NAA11: variants seen among roughly 807,000 people sequenced by gnomAD.
The protein encoded by NAA11 is N-alpha-acetyltransferase 11.
A neutral mutation model predicts 16.1 loss-of-function variants in NAA11; 15 were observed. The ratio of observed to expected loss-of-function variants is 0.93; its 90% CI spans 0.62 to 1.44. The LOEUF (loss-of-function observed/expected upper bound fraction) is 1.44. Ranked by LOEUF, NAA11 falls within the 40% of genes most tolerant of loss-of-function variation. NAA11 has a pLI of 0.00. For missense variants in NAA11, 298 were observed against 291.3 expected, an observed-to-expected ratio of 1.02 and a Z score of -0.17; for synonymous variants, 122 against 112.4, an observed-to-expected ratio of 1.09 and a Z score of -0.54.
chr4:79,186,445 A>G, the NAA11 span, among the ~76,000 whole-genome samples: 3 of 152,164 alleles, frequency 2.0e-5, no homozygotes, highest in Non-Finnish European at 2.9e-5. Flanking sequence ...CTATTGAACA[A>G]TGTAAAGACT....
chr4:79,300,622 A>G (rs1227027703), intron 1 of NAA11, among the ~76,000 whole-genome samples: 2 of 152,268 alleles, frequency 1.3e-5, no homozygotes, highest in African/African-American at 2.4e-5. Context: ...AAGCAAGTAC[A>G]TAAATTAATC....
chr4:79,246,381 A>C (rs1476737266), intron 2 of NAA11, among the ~76,000 whole-genome samples: 1 of 27,444 alleles, frequency 3.6e-5, no homozygotes, highest in Non-Finnish European at 1.0e-4. Context: ...AAATACTAAA[A>C]AAAAAAAAAA....
the NAA11 span, among the ~76,000 whole-genome samples, chr4:79,188,023 A>AG: frequency 7.0e-6 from 1 of 141,958 alleles, no homozygotes; most frequent in African/African-American, 2.6e-5. Context: ...AAAAAAAAAA[A>AG]GAAATACTTG....
chr4:79,277,933 G>T (rs1051191771), intron 2 of NAA11, among the ~76,000 whole-genome samples: 4 of 150,186 alleles, frequency 2.7e-5, no homozygotes, highest in Non-Finnish European at 5.9e-5. Flanking sequence ...AAATTAAAAA[G>T]AAAATTAAAA....
chr4:79,192,213 T>G, the NAA11 span, among the ~76,000 whole-genome samples: 1 of 152,108 alleles, frequency 6.6e-6, no homozygotes, highest in East Asian at 1.9e-4. Flanking sequence ...TTTCTAGCTC[T>G]GGGAAGAATG....
intron 1 of NAA11, among the ~76,000 whole-genome samples, chr4:79,310,642 G>C (rs1285085497): frequency 1.3e-5 from 2 of 152,296 alleles, no homozygotes; most frequent in South Asian, 4.1e-4. Flanking sequence ...ACCCCACAGA[G>C]TCCCAGTTTA....
the NAA11 span, among the ~76,000 whole-genome samples, chr4:79,205,294 A>G: frequency 5.9e-5 from 9 of 152,006 alleles, 1 homozygote; most frequent in South Asian, 1.9e-3. Context: ...AACAGTGTGT[A>G]AGTACTCTGT....
chr4:79,156,573 C>T, the NAA11 span, among the ~76,000 whole-genome samples: 1 of 152,144 alleles, frequency 6.6e-6, no homozygotes, highest in African/African-American at 2.4e-5. Context: ...AGATTGGATG[C>T]AGCCCATTCT....
the NAA11 span, among the ~76,000 whole-genome samples, chr4:79,210,555 T>G: frequency 2.6e-5 from 4 of 152,128 alleles, no homozygotes; most frequent in African/African-American, 9.7e-5. Flanking sequence ...TCATGAAATT[T>G]ATCAACTACT....
intron 2 of NAA11, among the ~76,000 whole-genome samples, chr4:79,264,122 A>G (rs955607562): frequency 6.6e-6 from 1 of 152,194 alleles, no homozygotes; most frequent in Non-Finnish European, 1.5e-5. Context: ...CGTGCACTAG[A>G]TCAGCACTAA....
intron 1 of NAA11, among the ~76,000 whole-genome samples, chr4:79,311,040 G>GA (rs5859689): frequency 0.59 from 89,422 of 151,958 alleles, 26,641 homozygotes; most frequent in East Asian, 0.85. Context: ...TGGTGTCCTG[G>GA]AAAGGTTTAT....
At chr4:79,195,948 C>A in the NAA11 span, 1 of 152,376 alleles carries the variant, frequency 6.6e-6, no homozygotes, top group Non-Finnish European at 1.5e-5. Context: ...TCAATTAAAC[C>A]TCTTTCCTTT....
intron 1 of NAA11, among the ~76,000 whole-genome samples, chr4:79,307,793 T>G (rs1201227151): frequency 6.6e-6 from 1 of 152,200 alleles, no homozygotes; most frequent in African/African-American, 2.4e-5. Context: ...TTATTTATAT[T>G]GTAAGAGACT....
At chr4:79,249,732 C>A (rs1389273441) in intron 2 of NAA11, among the ~76,000 whole-genome samples, 1 of 152,012 alleles carries the variant, frequency 6.6e-6, no homozygotes, top group African/African-American at 2.4e-5. Flanking sequence ...GCTAGAAAGA[C>A]CAACATTCAA....
In NAA11 at chr4:79,261,803, C is replaced by T. The variant is rs144426190; in HGVS notation, c.*122+32202G>A. Among the ~76,000 whole-genome samples the T allele has an allele frequency of 6.8e-4, 103 of 152,242 alleles. 3 individuals are homozygous for T. The East Asian group carries it at 0.018, about 26-fold the overall frequency. Reference sequence around the variant, plus strand: ...TTAAACAATGGTTCTACAAAATGCTCTCTGAAAAAGTAAATCATGCAGTTA... The same window carrying T: ...TTAAACAATGGTTCTACAAAATGCTTTCTGAAAAAGTAAATCATGCAGTTA... On this transcript the variant is annotated intron_variant and NMD_transcript_variant, in intron 2 of 2. Coordinates refer to the NAA11 transcript ENST00000511542.
chr4:79,195,307 T>G, the NAA11 span, among the ~76,000 whole-genome samples: 715 of 152,230 alleles, frequency 4.7e-3, 1 homozygote, highest in Non-Finnish European at 8.3e-3. Flanking sequence ...AGTGTAATTT[T>G]GGGTTGGAAG....
the NAA11 span, among the ~76,000 whole-genome samples, chr4:79,212,100 C>T: frequency 2.0e-5 from 3 of 152,152 alleles, no homozygotes; most frequent in Non-Finnish European, 4.4e-5. Flanking sequence ...CTGTCATAAG[C>T]AATACAACTT....
intron 2 of NAA11, among the ~76,000 whole-genome samples, chr4:79,246,377 T>TAAAAAAAAAAACAAAAAAAAAA (rs1721829178): frequency 4.5e-5 from 1 of 22,462 alleles, no homozygotes; most frequent in Non-Finnish European, 9.9e-5. Context: ...CAATAAATAC[T>TAAAAAAAAAAACAAAAAAAAAA]AAAAAAAAAA....
At chr4:79,175,204 G>T in the NAA11 span, among the ~76,000 whole-genome samples, 1 of 152,146 alleles carries the variant, frequency 6.6e-6, no homozygotes, top group Non-Finnish European at 1.5e-5. Context: ...CATGGTCATT[G>T]TAAGTACCTT....
Sources: gnomAD v4.1 joint callset for allele counts (sites outside exome capture counted in the v4.1 genomes callset) on GRCh38, gnomAD v4.1.1 for gene constraint, MANE v1.5 for transcripts, NCBI Gene and HGNC (gene_info 2026-07-23, HGNC 2026-07-21) for gene names.